Variants in ERRFI1 observed in about 807,000 individuals in gnomAD.
The protein encoded by ERRFI1 is ERBB receptor feedback inhibitor 1.
A neutral mutation model predicts 14.6 loss-of-function variants in ERRFI1; 12 were observed. That is an observed-to-expected ratio of 0.82 (90% CI 0.53 to 1.33). ERRFI1 has a LOEUF of 1.33. ERRFI1 is among the 40% of genes most tolerant of loss of function. The probability of loss-of-function intolerance (pLI) is 0.00; values close to 1 mark genes in which losing one functional copy is unlikely to be tolerated. For synonymous variants in ERRFI1, 202 were observed against 209.9 expected (o/e 0.96, Z 0.32); for missense variants, 482 against 572.1 (o/e 0.84, Z 1.61).
At chr1:8,014,563 G>C in intron 3 of ERRFI1, 167 bp from the exon 4 acceptor site, 1 of 615,752 alleles carries the variant, frequency 1.6e-6, no homozygotes, top group Non-Finnish European at 2.8e-6. Context: ...TGTAATTAGA[G>C]AGCAGAAGAT....
At chr1:8,016,909 TTTTG>T (rs1469293669) in intron 1 of ERRFI1, among the ~76,000 whole-genome samples, 4 of 151,628 alleles carry the variant, frequency 2.6e-5, no homozygotes, top group African/African-American at 7.3e-5. Context: ...AGGTTTTTTT[TTTTG>T]TTTTTTTTTT....
At chr1:8,021,944 C>CGACT (rs1411121100) in intron 1 of ERRFI1, among the ~76,000 whole-genome samples, 1 of 152,126 alleles carries the variant, frequency 6.6e-6, no homozygotes, top group Non-Finnish European at 1.5e-5. Flanking sequence ...AAGTAGGATC[C>CGACT]GACTGACTAT....
At chr1:8,017,933 T>C (rs1022214987) in intron 1 of ERRFI1, among the ~76,000 whole-genome samples, 4 of 152,262 alleles carry the variant, frequency 2.6e-5, no homozygotes, top group African/African-American at 9.6e-5. Flanking sequence ...ATTATTTATA[T>C]GTTCTAGAAA....
intron 1 of ERRFI1, among the ~76,000 whole-genome samples, chr1:8,017,713 T>C (rs1453240588): frequency 6.6e-6 from 1 of 152,126 alleles, no homozygotes; most frequent in Non-Finnish European, 1.5e-5. Context: ...CGTTTGAAGA[T>C]CGCTCATCCA....
chr1:8,017,760 C>T (rs1258652538), intron 1 of ERRFI1, among the ~76,000 whole-genome samples: 3 of 152,120 alleles, frequency 2.0e-5, no homozygotes, highest in African/African-American at 4.8e-5. Flanking sequence ...TCTGCAGGCC[C>T]AACCCCCACC....
intron 1 of ERRFI1, among the ~76,000 whole-genome samples, chr1:8,025,738 G>A (rs1177788047): frequency 6.6e-6 from 1 of 151,998 alleles, no homozygotes; most frequent in Non-Finnish European, 1.5e-5. Context: ...CAGGCTGCGG[G>A]ACGAGGACCT....
rs1641113678 is a variant in ERRFI1, at chr1:8,013,295, G to A, written c.1304C>T (p.Ala435Val). The change falls in exon 4 of 4, where the codon GCC becomes GTC. Residue 435 changes from alanine (A) to valine (V), a missense_variant. Coordinates refer to ENST00000377482, the MANE Select transcript of ERRFI1 (RefSeq NM_018948.4). The surrounding 1 kb of genome is among the most constrained non-coding windows in gnomAD (Gnocchi z 4.3). ...TGTTTTTGAGTCTGGCTTTTCTGTG[G>A]CTGAAGATATACCGCAGTCAGCAGG... is the stretch of plus-strand genomic sequence containing the variant. ...PLPADCGISS[A>V]TEKPDSKTKM... 1 of 1,614,214 alleles carries A rather than the reference G, an allele frequency of 6.2e-7. No homozygotes were observed. The highest frequency in any genetic ancestry group is 8.5e-7 in the Non-Finnish European group (1 of 1,180,052).
chr1:8,012,447 G>A lies in ERRFI1; in HGVS notation c.*763C>T, dbSNP rs1455748654. On this transcript the variant is annotated 3_prime_UTR_variant, in exon 4 of 4. Transcript: ENST00000377482. ...ACTACGATGAGCTACTTCAGTGGGT[G>A]GGACCAAGCAGGAACTGTAAGGGAA... is the stretch of plus-strand genomic sequence containing the variant. The A allele has an allele frequency of 8.7e-6, 2 of 230,332 alleles. No individual in the cohort carries two copies. Among genetic ancestry groups the A allele is most frequent in the Non-Finnish European group, 1.7e-5 (2 of 115,924 alleles). 14.3% of individuals were successfully genotyped at this position (230,332 alleles called of 1,614,324 possible).
rs531218404 is a variant in ERRFI1, at chr1:8,026,279, C to G, written c.-195G>C. 2 of 153,236 alleles carry G rather than the reference C, an allele frequency of 1.3e-5. No homozygotes were observed. Among genetic ancestry groups the G allele is most frequent in the African/African-American group, 4.8e-5 (2 of 41,576 alleles). The allele number at this position is 153,236 out of a possible 1,614,324, so 9.5% of individuals were successfully genotyped here. On this transcript the variant is annotated 5_prime_UTR_variant, in exon 1 of 4. Coordinates refer to ENST00000377482, the MANE Select transcript of ERRFI1 (RefSeq NM_018948.4). ...CGCCTCTTGCTGGCTCGCGCTCCCGCTAGCACTCTGCCTCGCACCGGACCG... is the reference window on the plus strand; with the variant it reads ...CGCCTCTTGCTGGCTCGCGCTCCCGGTAGCACTCTGCCTCGCACCGGACCG...
At chr1:8,022,616 T>C (rs1641289061) in intron 1 of ERRFI1, among the ~76,000 whole-genome samples, 1 of 152,224 alleles carries the variant, frequency 6.6e-6, no homozygotes, top group African/African-American at 2.4e-5. Context: ...CTCTCCACTC[T>C]ATAGTATCTT....
intron 1 of ERRFI1, among the ~76,000 whole-genome samples, chr1:8,025,547 C>T (rs984151698): frequency 6.6e-6 from 1 of 152,164 alleles, no homozygotes; most frequent in African/African-American, 2.4e-5. Context: ...GGCTGACCGC[C>T]AGAGAACCGG....
rs755344926 is a variant in ERRFI1 at position 8,012,729 on chromosome 1, T to C, written c.*481A>G. On this transcript the variant is annotated 3_prime_UTR_variant, in exon 4 of 4. Coordinates refer to ENST00000377482, the MANE Select transcript of ERRFI1 (RefSeq NM_018948.4). ...GAAAAGGCCTAAAAGCCAGAAATCT[T>C]CAAACTTACTAAACAAAAATATTTT... The C allele has an allele frequency of 4.3e-6, 1 of 230,926 alleles. No homozygotes were observed. Among genetic ancestry groups the C allele is most frequent in the Admixed American group, 5.6e-5 (1 of 17,874 alleles). The allele number at this position is 230,926 out of a possible 1,614,324, so 14.3% of individuals were successfully genotyped here.
rs746303069 is a variant in ERRFI1 at position 8,014,261 on chromosome 1, C to T, written c.338G>A (p.Cys113Tyr). The part of the protein sequence containing the change: ...LGPHEEDQVV[C>Y]GFKKLTVNGV... ...ATTCACTGTGAGTTTCTTAAAACCA[C>T]ATACAACTTGATCCTCTTCATGTGG... Residue 113 changes from cysteine (C) to tyrosine (Y), a missense_variant, in exon 4 of 4, where the codon TGT becomes TAT. Coordinates refer to ENST00000377482, the MANE Select transcript of ERRFI1 (RefSeq NM_018948.4). 4.3e-6 allele frequency: 7 copies of T among 1,614,066 alleles called. No homozygotes were observed. The Admixed American group carries it at 1.0e-4, about 23-fold the overall frequency.
At chr1:8,020,668 C>T (rs1187153599) in intron 1 of ERRFI1, among the ~76,000 whole-genome samples, 1 of 151,790 alleles carries the variant, frequency 6.6e-6, no homozygotes, top group Non-Finnish European at 1.5e-5. Context: ...CCTCAGCCTC[C>T]CGAGTAGCTG....
At chr1:8,014,991 G>A (rs1013733407) in intron 3 of ERRFI1, 2 of 302,076 alleles carry the variant, frequency 6.6e-6, no homozygotes, top group Non-Finnish European at 1.2e-5. Flanking sequence ...TAGTAAGAAA[G>A]GTGGGAAATC....
Position 8,014,146 on chromosome 1 carries a change from C to G in ERRFI1, c.453G>C (p.Arg151Ser), listed in dbSNP as rs2124061135. The G allele has an allele frequency of 1.2e-6, 2 of 1,613,956 alleles. No homozygotes were observed. The highest frequency in any genetic ancestry group is 1.7e-6 in the Non-Finnish European group (2 of 1,179,988). Residue 151 changes from arginine (R) to serine (S), a missense_variant, in exon 4 of 4, where the codon AGG becomes AGC. Transcript: ENST00000377482. ...CAGAGATTGGCAACGGTGGAAGAGGCCTAGAACCCCGTTCACAAAGAGGGG... is the reference window on the plus strand; with the variant it reads ...CAGAGATTGGCAACGGTGGAAGAGGGCTAGAACCCCGTTCACAAAGAGGGG... ...PCAPLCERGS[R>S]PLPPLPISEA...
chr1:8,014,641 C>A, intron 3 of ERRFI1: 1 of 474,504 alleles, frequency 2.1e-6, no homozygotes, highest in South Asian at 4.1e-5. Flanking sequence ...ATGTGCACAG[C>A]GCACACCCAC....
chr1:8,020,726 G>C (rs1641263763), intron 1 of ERRFI1, among the ~76,000 whole-genome samples: 1 of 151,974 alleles, frequency 6.6e-6, no homozygotes, highest in Admixed American at 6.6e-5. Flanking sequence ...TGTATTTTTA[G>C]TAGAGATGGG....
At chr1:8,016,741 G>A (rs902526748) in intron 1 of ERRFI1, among the ~76,000 whole-genome samples, 1 of 151,948 alleles carries the variant, frequency 6.6e-6, no homozygotes, top group Admixed American at 6.6e-5. Flanking sequence ...CCCCTTTTGG[G>A]GGCACGTACA....
Sources: allele counts gnomAD v4.1 joint callset (sites outside exome capture counted in the v4.1 genomes callset), GRCh38; gene constraint gnomAD v4.1.1; non-coding constraint Gnocchi (gnomAD v3.1); transcripts MANE v1.5; gene names NCBI Gene and HGNC (gene_info 2026-07-23, HGNC 2026-07-21).